The following MCC variants were observed in gnomAD, a reference collection of about 807,000 sequenced individuals.
The protein encoded by MCC is MCC regulator of Wnt signaling pathway.
MCC carries 90 observed loss-of-function variants against 116.2 expected under a neutral mutation model. That is an observed-to-expected ratio of 0.77 (90% CI 0.65 to 0.92). The LOEUF is 0.92. MCC is among the 40% of genes least tolerant of loss of function. MCC has a pLI of 0.00. For synonymous variants in MCC, 578 were observed against 510.5 expected (o/e 1.13, Z -1.78); for missense variants, 1,516 against 1,312.2 (o/e 1.16, Z -2.40).
rs1750422358 is a variant in MCC, at chr5:113,024,876, T to TAAAAAAGC, written c.*2425_*2426insGCTTTTTT. The TAAAAAAGC allele has an allele frequency of 6.6e-6, 1 of 152,208 alleles. No individual in the cohort carries two copies. The highest frequency in any genetic ancestry group is 1.5e-5 in the Non-Finnish European group (1 of 68,044). 9.4% of individuals were successfully genotyped at this position (152,208 alleles called of 1,614,324 possible). A position where few individuals can be genotyped will look rare whatever the true frequency, so the allele number is the denominator to read the frequency against. ...AGGAAAAACTTTTATAGCTTTTTTA[T>TAAAAAAGC]TATACATATTTATAAAAAATTAACA... On this transcript the variant is annotated 3_prime_UTR_variant, in exon 19 of 19. Coordinates refer to ENST00000408903, the MANE Select transcript of MCC (RefSeq NM_001085377.2).
rs546618216 is a variant in MCC at position 113,433,202 on chromosome 5, C to T, written c.171-47990G>A. 3.0e-4 allele frequency: 54 copies of T among 180,442 alleles called. No individual in the cohort carries two copies. The South Asian group carries it at 5.2e-3, about 17-fold the overall frequency. The allele number at this position is 180,442 out of a possible 1,614,324, so 11.2% of individuals were successfully genotyped here. On this transcript the variant is annotated intron_variant, in intron 1 of 18. Coordinates refer to ENST00000408903, the MANE Select transcript of MCC (RefSeq NM_001085377.2). ...CCCCCGAGGCTGCCGCCGAGAGTGC[C>T]CGCGAGCCCGTGGCCCAGCCGAAGC...
intron 2 of MCC, among the ~76,000 whole-genome samples, chr5:113,358,840 G>A (rs1768475630): frequency 6.6e-6 from 1 of 152,152 alleles, no homozygotes; most frequent in Non-Finnish European, 1.5e-5. Context: ...TGAGTCTTTA[G>A]TCATTTATTA....
intron 8 of MCC, among the ~76,000 whole-genome samples, chr5:113,094,699 C>T (rs1755897829): frequency 6.6e-6 from 1 of 152,200 alleles, no homozygotes; most frequent in Non-Finnish European, 1.5e-5. Flanking sequence ...GGATTACAGG[C>T]ATGAGCCACC....
chr5:113,284,266 C>A (rs1228875659), intron 3 of MCC, among the ~76,000 whole-genome samples: 2 of 152,212 alleles, frequency 1.3e-5, no homozygotes, highest in Non-Finnish European at 2.9e-5. Flanking sequence ...GGGACGATCA[C>A]TTGAGCCCAG....
intron 1 of MCC, among the ~76,000 whole-genome samples, chr5:113,452,169 T>A (rs909498966): frequency 6.6e-6 from 1 of 152,134 alleles, no homozygotes; most frequent in Non-Finnish European, 1.5e-5. Flanking sequence ...GGCCTGGAAG[T>A]CACACACCAT....
rs187042188 is a variant in MCC at position 113,403,843 on chromosome 5, A to G, written c.171-18631T>C. On this transcript the variant is annotated intron_variant, in intron 1 of 18. Coordinates refer to ENST00000408903, the MANE Select transcript of MCC (RefSeq NM_001085377.2). ...TGACACCACCAACACTTTGGTTTTA[A>G]AAATGTCAAAACTTCAGTTTGTTTC... Among the ~76,000 whole-genome samples, 88 of 152,210 alleles carry G rather than the reference A, an allele frequency of 5.8e-4. No homozygotes were observed. The South Asian group carries it at 6.0e-3, about 10-fold the overall frequency.
intron 1 of MCC, chr5:113,432,735 G>A (rs959540118): frequency 3.9e-5 from 6 of 152,080 alleles, no homozygotes; most frequent in African/African-American, 1.2e-4. Context: ...TTGGATATTA[G>A]CATTTAAATA....
intron 1 of MCC, among the ~76,000 whole-genome samples, chr5:113,454,867 A>G (rs1303294683): frequency 1.3e-5 from 2 of 152,204 alleles, no homozygotes; most frequent in African/African-American, 2.4e-5. Context: ...TACTACATGC[A>G]TGCACACACA....
chr5:113,126,895 G>T (rs1286728221), intron 5 of MCC, among the ~76,000 whole-genome samples: 1 of 152,002 alleles, frequency 6.6e-6, no homozygotes, highest in Non-Finnish European at 1.5e-5. Context: ...CTTATTTTAG[G>T]TTCATGAGTA....
intron 3 of MCC, among the ~76,000 whole-genome samples, chr5:113,165,370 C>G (rs1760712528): frequency 6.6e-6 from 1 of 152,234 alleles, no homozygotes; most frequent in Admixed American, 6.5e-5. Flanking sequence ...TTCCCCCTAC[C>G]TACAAGAAAC....
In MCC at chr5:113,459,394, C is replaced by T. The variant is rs186089855; in HGVS notation, c.170+28851G>A. 1.7e-4 allele frequency among the ~76,000 whole-genome samples: 26 copies of T among 151,592 alleles called. 1 individual carries two copies. In the East Asian group the frequency reaches 4.7e-3, roughly 27 times the overall value. On this transcript the variant is annotated intron_variant, in intron 1 of 18. Coordinates refer to ENST00000408903, the MANE Select transcript of MCC (RefSeq NM_001085377.2). ...CTCCTAAAAATACAAAAAAATTGGC[C>T]GGGCGTGGTTGTGGGTGCCTGTAGT... is the stretch of plus-strand genomic sequence containing the variant.
intron 2 of MCC, among the ~76,000 whole-genome samples, chr5:113,351,813 T>C (rs569580000): frequency 2.4e-4 from 37 of 152,258 alleles, no homozygotes; most frequent in African/African-American, 7.9e-4. Flanking sequence ...ACCCCATAAA[T>C]ATATATACCT....
chr5:113,462,092 G>T (rs1380152694), intron 1 of MCC, among the ~76,000 whole-genome samples: 3 of 152,174 alleles, frequency 2.0e-5, no homozygotes, highest in Non-Finnish European at 4.4e-5. Flanking sequence ...AGAAAAGAAA[G>T]ATTTTAAAAA....
At chr5:113,121,083 A>G (rs1167793739) in intron 6 of MCC, among the ~76,000 whole-genome samples, 3 of 152,154 alleles carry the variant, frequency 2.0e-5, no homozygotes, top group South Asian at 2.1e-4. Flanking sequence ...CCCACCTTCA[A>G]TCGGTTTCCA....
chr5:113,228,843 G>A lies in MCC; in HGVS notation c.628-77421C>T, dbSNP rs374302983. Among the ~76,000 whole-genome samples the A allele has an allele frequency of 2.0e-5, 3 of 152,166 alleles. No homozygotes were observed. In the East Asian group the frequency reaches 5.8e-4, roughly 29 times the overall value. On this transcript the variant is annotated intron_variant, in intron 3 of 18. Transcript: ENST00000408903. ...ACACACACGCTCATAGCTTAGCTGT[G>A]GGTTTGGTGACAGATTACTGTGGGG...
In MCC at chr5:113,211,643, T is replaced by A. The variant is rs1027524680; in HGVS notation, c.628-60221A>T. 3.9e-5 allele frequency among the ~76,000 whole-genome samples: 6 copies of A among 152,350 alleles called. No individual in the cohort carries two copies. The East Asian group carries it at 1.2e-3, about 29-fold the overall frequency. On this transcript the variant is annotated intron_variant, in intron 3 of 18. Coordinates refer to ENST00000408903, the MANE Select transcript of MCC (RefSeq NM_001085377.2). ...AAACAGGCTCAGTGACTGCTTTTTATGTAGCTGATGTTTATATAAATAGCA... is the reference window on the plus strand; with the variant it reads ...AAACAGGCTCAGTGACTGCTTTTTAAGTAGCTGATGTTTATATAAATAGCA...
chr5:113,431,815 A>C (rs1770660581), intron 1 of MCC, among the ~76,000 whole-genome samples: 1 of 148,646 alleles, frequency 6.7e-6, no homozygotes, highest in African/African-American at 2.5e-5. Flanking sequence ...AGCCTGGCCA[A>C]CATGATGAAA....
chr5:113,254,207 A>C (rs1017423996), intron 3 of MCC, among the ~76,000 whole-genome samples: 1 of 152,228 alleles, frequency 6.6e-6, no homozygotes, highest in Non-Finnish European at 1.5e-5. Flanking sequence ...TCAGAATTTC[A>C]TATCCAGCCA....
At chr5:113,116,416 A>G (rs1757397381) in intron 6 of MCC, among the ~76,000 whole-genome samples, 1 of 152,212 alleles carries the variant, frequency 6.6e-6, no homozygotes, top group South Asian at 2.1e-4. Context: ...CCTTTATTAT[A>G]ATGCTGGTTT....
Sources: allele counts gnomAD v4.1 joint callset (sites outside exome capture counted in the v4.1 genomes callset), GRCh38; gene constraint gnomAD v4.1.1; transcripts MANE v1.5; gene names NCBI Gene and HGNC (gene_info 2026-07-23, HGNC 2026-07-21).